The following AOPEP variants were observed in gnomAD, a reference collection of about 807,000 sequenced individuals.
The protein encoded by AOPEP is aminopeptidase O.
In AOPEP, 77 loss-of-function variants were observed where a neutral mutation model predicts 98.1. That is an observed-to-expected ratio of 0.78 (90% CI 0.65 to 0.95). The LOEUF (loss-of-function observed/expected upper bound fraction) is 0.95. Ranked by LOEUF, AOPEP falls within the 40% of genes least tolerant of loss-of-function variation. The probability of loss-of-function intolerance (pLI) is 0.00; values close to 1 mark genes in which losing one functional copy is unlikely to be tolerated. For missense variants in AOPEP, 1,024 were observed against 1,024.7 expected (o/e 1.00, Z 0.01); for synonymous variants, 346 against 365.3 (o/e 0.95, Z 0.60).
intron 5 of AOPEP, among the ~76,000 whole-genome samples, chr9:94,843,944 T>G (rs770669900): frequency 5.3e-5 from 8 of 152,240 alleles, no homozygotes; most frequent in Non-Finnish European, 1.2e-4. Context: ...ATTTTTAAAT[T>G]TAGGTAAAGT....
At chr9:95,147,080 A>G in the AOPEP span, among the ~76,000 whole-genome samples, 1 of 150,846 alleles carries the variant, frequency 6.6e-6, no homozygotes, top group African/African-American at 2.4e-5. Context: ...TATATTTTAG[A>G]TTATTATTTT....
intron 5 of AOPEP, among the ~76,000 whole-genome samples, chr9:94,898,648 G>GA (rs71366269): frequency 6.4e-4 from 86 of 134,898 alleles, no homozygotes; most frequent in African/African-American, 1.7e-3. Context: ...AAAATAAAAT[G>GA]AAAAAAAAAA....
At chr9:94,741,396 C>G (rs1371328902) in intron 1 of AOPEP, among the ~76,000 whole-genome samples, 1 of 152,046 alleles carries the variant, frequency 6.6e-6, no homozygotes. Context: ...CTTCAGCCCC[C>G]CGAGTAGCTG....
chr9:95,138,196 C>T, the AOPEP span, among the ~76,000 whole-genome samples: 1 of 152,254 alleles, frequency 6.6e-6, no homozygotes, highest in African/African-American at 2.4e-5. Flanking sequence ...CAGCTGGTAA[C>T]ACTTGAAGCC....
At chr9:95,105,352 C>T in the AOPEP span, among the ~76,000 whole-genome samples, 29 of 152,114 alleles carry the variant, frequency 1.9e-4, no homozygotes, top group Non-Finnish European at 3.2e-4. Context: ...ATATTCCTCT[C>T]GAGTTGGCTG....
chr9:95,114,353 A>G, the AOPEP span: 10 of 467,446 alleles, frequency 2.1e-5, no homozygotes, highest in African/African-American at 1.6e-4. Flanking sequence ...TTATGCCTGT[A>G]TATTTCAAAA....
At chr9:95,133,189 C>T in the AOPEP span, among the ~76,000 whole-genome samples, 4 of 152,240 alleles carry the variant, frequency 2.6e-5, no homozygotes, top group East Asian at 3.8e-4. Flanking sequence ...ACGTCACAGG[C>T]CTATTGCGGC....
intron 7 of AOPEP, among the ~76,000 whole-genome samples, chr9:94,949,813 C>T (rs1298386265): frequency 6.6e-6 from 1 of 152,228 alleles, no homozygotes; most frequent in African/African-American, 2.4e-5. Context: ...GTGCTTTCAT[C>T]ATTCTGCCTT....
chr9:95,093,229 A>G, the AOPEP span, among the ~76,000 whole-genome samples: 2 of 152,234 alleles, frequency 1.3e-5, no homozygotes, highest in Non-Finnish European at 2.9e-5. Flanking sequence ...GAAAGCCATG[A>G]TGAGCACAGG....
chr9:94,993,594 G>T (rs570389682), intron 11 of AOPEP, among the ~76,000 whole-genome samples: 1 of 152,190 alleles, frequency 6.6e-6, no homozygotes, highest in South Asian at 2.1e-4. Context: ...TATATTTTTG[G>T]TGCATTTATA....
At chr9:94,988,768 C>T (rs545389153) in intron 11 of AOPEP, among the ~76,000 whole-genome samples, 38 of 152,156 alleles carry the variant, frequency 2.5e-4, no homozygotes, top group African/African-American at 4.6e-4. Flanking sequence ...ATGTAGGAGG[C>T]GGATTAAAAC....
intron 5 of AOPEP, among the ~76,000 whole-genome samples, chr9:94,883,450 G>A (rs1160762154): frequency 6.6e-6 from 1 of 152,216 alleles, no homozygotes; most frequent in Non-Finnish European, 1.5e-5. Flanking sequence ...TTGCCAGTAT[G>A]TTAAGGGAGT....
the AOPEP span, among the ~76,000 whole-genome samples, chr9:95,122,683 G>A: frequency 6.6e-6 from 1 of 152,222 alleles, no homozygotes; most frequent in Admixed American, 6.5e-5. Context: ...CATAGAGGCT[G>A]AGGGTGAAGC....
chr9:95,058,852 C>T (rs1007669838), intron 13 of AOPEP, among the ~76,000 whole-genome samples: 3 of 152,280 alleles, frequency 2.0e-5, no homozygotes, highest in African/African-American at 2.4e-5. Context: ...GAAGGCCCAG[C>T]CTCCTGCAGG....
At chr9:95,082,899 G>A (rs920655201) in intron 16 of AOPEP, 180 bp downstream of exon 16, 33 of 649,294 alleles carry the variant, frequency 5.1e-5, no homozygotes, top group African/African-American at 1.3e-4. Flanking sequence ...TGGGAGCCCC[G>A]GGTCCCTGGA....
the AOPEP span, chr9:95,111,363 G>A: frequency 1.3e-6 from 2 of 1,597,876 alleles, no homozygotes; most frequent in Non-Finnish European, 1.7e-6. Flanking sequence ...CAGAGCTCAG[G>A]TGTCATGGAA....
intron 13 of AOPEP, among the ~76,000 whole-genome samples, chr9:95,046,925 A>G (rs1312243419): frequency 6.6e-6 from 1 of 152,250 alleles, no homozygotes; most frequent in African/African-American, 2.4e-5. Flanking sequence ...GTTTTAACTT[A>G]AAATCTGTTA....
At chr9:95,096,219 C>T in the AOPEP span, among the ~76,000 whole-genome samples, 1 of 152,136 alleles carries the variant, frequency 6.6e-6, no homozygotes, top group Non-Finnish European at 1.5e-5. Context: ...TTATCTTATA[C>T]TAAATTCTGT....
At chr9:94,773,462 G>A (rs1303273085) in intron 3 of AOPEP, among the ~76,000 whole-genome samples, 1 of 152,008 alleles carries the variant, frequency 6.6e-6, no homozygotes, top group East Asian at 1.9e-4. Flanking sequence ...GACTGAAGAC[G>A]TTCTGAACAG....
Sources: gnomAD v4.1 joint callset for allele counts (sites outside exome capture counted in the v4.1 genomes callset) on GRCh38, gnomAD v4.1.1 for gene constraint, MANE v1.5 for transcripts, NCBI Gene and HGNC (gene_info 2026-07-23, HGNC 2026-07-21) for gene names.